CA5B: variants seen among roughly 807,000 people sequenced by gnomAD.
The protein encoded by CA5B is carbonic anhydrase 5B.
In CA5B, 15 loss-of-function variants were observed where a neutral mutation model predicts 23.1. The observed-to-expected ratio is 0.65, with a 90% CI of 0.43 to 1.00. The LOEUF is 1.00. Among genes scored for constraint, CA5B ranks in the 50% least tolerant of loss-of-function variants. The pLI is 0.00. For synonymous variants in CA5B, 84 were observed against 98.5 expected, an observed-to-expected ratio of 0.85 and a Z score of 0.87; for missense variants, 236 against 252.2, an observed-to-expected ratio of 0.94 and a Z score of 0.43.
intron 1 of CA5B, among the ~76,000 whole-genome samples, chrX:15,743,461 C>A (rs1931162745): frequency 8.9e-6 from 1 of 112,184 alleles, no homozygotes; most frequent in Non-Finnish European, 1.9e-5. Flanking sequence ...GGGCTTTGTT[C>A]TGTTCCCCAA....
chrX:15,763,169 C>T (rs771609150), intron 2 of CA5B: 28 of 156,756 alleles, frequency 1.8e-4, no homozygotes, highest in African/African-American at 7.2e-4. Flanking sequence ...CAACTCAGCA[C>T]GCACAGTTAT....
Position 15,782,640 on chromosome X carries a change from G to T in CA5B, c.930G>T (p.Pro310=). 1 of 1,196,522 alleles carries T rather than the reference G, an allele frequency of 8.4e-7. No homozygotes were observed. Among genetic ancestry groups the T allele is most frequent in the Non-Finnish European group, 1.1e-6 (1 of 888,130 alleles). Residue 310 remains proline, a synonymous_variant, in exon 8 of 8, where the codon CCG becomes CCT. Transcript: ENST00000318636. The part of the protein sequence containing the change: ...YVLNVQAKPK[P]ATSQATP ...TGAATGTACAAGCGAAACCCAAGCC[G>T]GCCACCAGCCAAGCAACCCCCTAAA...
chrX:15,771,493 C>T (rs1931819589), intron 3 of CA5B, among the ~76,000 whole-genome samples: 1 of 110,002 alleles, frequency 9.1e-6, no homozygotes, highest in Non-Finnish European at 1.9e-5. Flanking sequence ...GTGGCACGAT[C>T]TCAGCTCACC....
chrX:15,755,669 C>G (rs1477290916), intron 2 of CA5B, among the ~76,000 whole-genome samples: 1 of 112,420 alleles, frequency 8.9e-6, no homozygotes, highest in Non-Finnish European at 1.9e-5. Context: ...GGTACAGTGG[C>G]TCATGCCTGT....
intron 2 of CA5B, among the ~76,000 whole-genome samples, chrX:15,755,379 T>C (rs1931466761): frequency 8.9e-6 from 1 of 111,902 alleles, no homozygotes; most frequent in African/African-American, 3.2e-5. Flanking sequence ...TTTATAGCCC[T>C]GATGATGCTC....
chrX:15,757,380 A>G (rs1244314225), intron 2 of CA5B, among the ~76,000 whole-genome samples: 1 of 111,391 alleles, frequency 9.0e-6, no homozygotes, highest in Admixed American at 9.6e-5. Flanking sequence ...GCTGGGCATT[A>G]TGGTGGGTGC....
intron 1 of CA5B, among the ~76,000 whole-genome samples, chrX:15,748,712 C>G (rs900384673): frequency 6.1e-5 from 5 of 81,444 alleles, no homozygotes; most frequent in African/African-American, 1.9e-4. Context: ...GTGAGAACCC[C>G]CCCCCCCGCC....
At chrX:15,749,629 G>A (rs1931316643) in intron 1 of CA5B, among the ~76,000 whole-genome samples, 1 of 110,627 alleles carries the variant, frequency 9.0e-6, no homozygotes, top group Admixed American at 9.6e-5. Context: ...TAATTAATTG[G>A]GATTTCCTGG....
At chrX:15,762,383 T>A (rs999582180) in intron 2 of CA5B, among the ~76,000 whole-genome samples, 2 of 110,957 alleles carry the variant, frequency 1.8e-5, no homozygotes, top group African/African-American at 6.6e-5. Context: ...AAATAGGAGA[T>A]GATGCTGCCA....
rs780275413 is a variant in CA5B, at chrX:15,787,210, G to C, written c.*4546G>C. On this transcript the variant is annotated 3_prime_UTR_variant, in exon 8 of 8. Transcript: ENST00000318636. ...CCAGGGGAAAGAGGAACACAACCTCGCTGTCTCAAACAGTTCCCTAAATCA... is the reference window on the plus strand; with the variant it reads ...CCAGGGGAAAGAGGAACACAACCTCCCTGTCTCAAACAGTTCCCTAAATCA... 7.2e-5 allele frequency: 8 copies of C among 111,877 alleles called. No individual in the cohort carries two copies. In the South Asian group the frequency reaches 3.0e-3, roughly 41 times the overall value. 9.2% of individuals were successfully genotyped at this position (111,877 alleles called of 1,213,427 possible).
chrX:15,779,872 C>G (rs889747380), intron 7 of CA5B, among the ~76,000 whole-genome samples: 1 of 111,898 alleles, frequency 8.9e-6, no homozygotes, highest in Non-Finnish European at 1.9e-5. Flanking sequence ...CATTGAAAAA[C>G]AAATAAAGCA....
At chrX:15,763,579 A>G (rs1247392801) in intron 2 of CA5B, among the ~76,000 whole-genome samples, 1 of 111,821 alleles carries the variant, frequency 8.9e-6, no homozygotes, top group East Asian at 2.8e-4. Flanking sequence ...TTTATCCTCT[A>G]CTTTTGTGTA....
intron 1 of CA5B, among the ~76,000 whole-genome samples, chrX:15,745,381 A>G (rs1489156865): frequency 2.7e-5 from 3 of 110,906 alleles, no homozygotes; most frequent in Middle Eastern, 4.7e-3. Context: ...TAGTGAGTAC[A>G]TAGTTTATGT....
intron 1 of CA5B, among the ~76,000 whole-genome samples, chrX:15,740,103 G>A (rs1318971633): frequency 9.0e-6 from 1 of 111,387 alleles, no homozygotes; most frequent in Non-Finnish European, 1.9e-5. Context: ...TTGTTTCCAC[G>A]CATTTCTAAG....
At position 15,778,271 on chromosome X, in the gene CA5B, A is replaced by G. The variant is rs765702907; in HGVS notation, c.774+1402A>G. Among the ~76,000 whole-genome samples the G allele has an allele frequency of 1.1e-4, 12 of 112,146 alleles. No individual in the cohort carries two copies. The South Asian group carries it at 4.0e-3, about 38-fold the overall frequency. On this transcript the variant is annotated intron_variant, in intron 7 of 7. Coordinates refer to ENST00000318636, the MANE Select transcript of CA5B (RefSeq NM_007220.4). Reference sequence around the variant, plus strand: ...AGACATAAAAACACCTTTTTTTGTCATAAATGACAACCTAAGTTGTCATTC... The same window carrying G: ...AGACATAAAAACACCTTTTTTTGTCGTAAATGACAACCTAAGTTGTCATTC...
At chrX:15,769,267 C>T (rs764926396) in intron 3 of CA5B, among the ~76,000 whole-genome samples, 4 of 111,805 alleles carry the variant, frequency 3.6e-5, no homozygotes, top group South Asian at 3.7e-4. Flanking sequence ...ACATGACCTA[C>T]CTACCTTGAT....
intron 1 of CA5B, among the ~76,000 whole-genome samples, chrX:15,749,301 A>C (rs979872095): frequency 8.9e-6 from 1 of 112,005 alleles, no homozygotes; most frequent in Non-Finnish European, 1.9e-5. Flanking sequence ...CATCATCTTC[A>C]TCTTCTGAGA....
At chrX:15,779,652 A>T (rs1351662408) in intron 7 of CA5B, among the ~76,000 whole-genome samples, 1 of 111,804 alleles carries the variant, frequency 8.9e-6, no homozygotes. Flanking sequence ...TGGATCCATC[A>T]TTCAGACCTT....
intron 2 of CA5B, chrX:15,762,930 A>G (rs776371853): frequency 2.1e-5 from 7 of 340,105 alleles, no homozygotes; most frequent in African/African-American, 1.6e-4. Context: ...GCTGATACTT[A>G]TCAGGGACTT....
Sources: gnomAD v4.1 joint callset for allele counts (sites outside exome capture counted in the v4.1 genomes callset) on GRCh38, gnomAD v4.1.1 for gene constraint, MANE v1.5 for transcripts, NCBI Gene and HGNC (gene_info 2026-07-23, HGNC 2026-07-21) for gene names.